TPRG1: variants seen among roughly 807,000 people sequenced by gnomAD.
TPRG1 encodes tumor protein p63-regulated gene 1 protein.
A neutral mutation model predicts 29.3 loss-of-function variants in TPRG1; 29 were observed. That is an observed-to-expected ratio of 0.99 (90% CI 0.74 to 1.35). TPRG1 has a LOEUF of 1.35. TPRG1 is among the 40% of genes most tolerant of loss of function. The pLI is 0.00. For synonymous variants in TPRG1, 130 were observed against 116.8 expected, an observed-to-expected ratio of 1.11 and a Z score of -0.73; for missense variants, 327 against 335.0, an observed-to-expected ratio of 0.98 and a Z score of 0.19.
chr3:189,180,594 G>A (rs1224297008), intron 1 of TPRG1, among the ~76,000 whole-genome samples: 1 of 152,178 alleles, frequency 6.6e-6, no homozygotes, highest in Admixed American at 6.5e-5. Flanking sequence ...CTCACATCCA[G>A]GTCACACTGA....
At chr3:189,292,338 T>C (rs1382742872) in intron 4 of TPRG1, among the ~76,000 whole-genome samples, 11 of 151,876 alleles carry the variant, frequency 7.2e-5, no homozygotes, top group East Asian at 1.9e-4. Flanking sequence ...CTGTTTTTTT[T>C]CCCTCCCATT....
At chr3:189,203,351 TA>T (rs1281719738) in intron 1 of TPRG1, among the ~76,000 whole-genome samples, 1 of 152,148 alleles carries the variant, frequency 6.6e-6, no homozygotes, top group African/African-American at 2.4e-5. Flanking sequence ...TTTTTAATGC[TA>T]AAAAAATCAG....
intron 1 of TPRG1, among the ~76,000 whole-genome samples, chr3:189,183,468 C>T (rs1458468747): frequency 6.6e-6 from 1 of 151,964 alleles, no homozygotes; most frequent in Admixed American, 6.5e-5. Flanking sequence ...ACCAGTCTGA[C>T]CAAAATTTAT....
intron 5 of TPRG1, among the ~76,000 whole-genome samples, chr3:189,161,492 C>A (rs1727484752): frequency 6.6e-6 from 1 of 151,640 alleles, no homozygotes. Flanking sequence ...TATTCTTGTC[C>A]ACATTGCCTT....
chr3:189,117,000 A>G (rs1437651060), intron 1 of TPRG1, among the ~76,000 whole-genome samples: 1 of 152,196 alleles, frequency 6.6e-6, no homozygotes, highest in Non-Finnish European at 1.5e-5. Context: ...CTCAAAGAGA[A>G]GTTAGACTTG....
intron 4 of TPRG1, among the ~76,000 whole-genome samples, chr3:189,296,884 C>T (rs912340624): frequency 1.4e-4 from 21 of 152,284 alleles, no homozygotes; most frequent in African/African-American, 4.3e-4. Flanking sequence ...TTTTTGAAGA[C>T]TTAAGTATTA....
chr3:189,014,856 C>T (rs372524252), intron 3 of TPRG1, among the ~76,000 whole-genome samples: 68 of 152,192 alleles, frequency 4.5e-4, no homozygotes, highest in African/African-American at 1.5e-3. Context: ...TCATAAATTA[C>T]TCAGTCTCAG....
chr3:189,098,937 A>C (rs1333163072), upstream of TPRG1, among the ~76,000 whole-genome samples: 1 of 152,174 alleles, frequency 6.6e-6, no homozygotes, highest in African/African-American at 2.4e-5. Context: ...GGAAAATCAG[A>C]ATCTTTGGGA....
intron 4 of TPRG1, among the ~76,000 whole-genome samples, chr3:189,044,409 G>T (rs1714829792): frequency 6.6e-6 from 1 of 152,168 alleles, no homozygotes; most frequent in African/African-American, 2.4e-5. Flanking sequence ...ACAAAAGTTG[G>T]CTGGGCGTGG....
chr3:189,289,433 T>C (rs1718630579), intron 4 of TPRG1, among the ~76,000 whole-genome samples: 1 of 151,824 alleles, frequency 6.6e-6, no homozygotes, highest in Non-Finnish European at 1.5e-5. Flanking sequence ...GCTTCAATGA[T>C]TTTGATGTTT....
intron 4 of TPRG1, among the ~76,000 whole-genome samples, chr3:189,293,658 G>A (rs770807775): frequency 1.1e-4 from 17 of 152,236 alleles, no homozygotes; most frequent in Middle Eastern, 3.4e-3. Flanking sequence ...AAGGGACATG[G>A]TGCAATTTTT....
chr3:189,211,156 T>C (rs901244691), intron 2 of TPRG1, among the ~76,000 whole-genome samples: 2 of 152,182 alleles, frequency 1.3e-5, no homozygotes, highest in Non-Finnish European at 2.9e-5. Flanking sequence ...AACTATTATT[T>C]CCCATTTCAA....
At chr3:189,042,545 C>G (rs900565583) in intron 4 of TPRG1, among the ~76,000 whole-genome samples, 2 of 152,046 alleles carry the variant, frequency 1.3e-5, no homozygotes, top group Non-Finnish European at 2.9e-5. Context: ...GACGTTGTAT[C>G]TTCAGATGAA....
At chr3:189,288,314 G>T (rs563918107) in intron 4 of TPRG1, among the ~76,000 whole-genome samples, 114 of 152,212 alleles carry the variant, frequency 7.5e-4, no homozygotes, top group African/African-American at 2.7e-3. Flanking sequence ...ATTTTTTTCT[G>T]CAACGTGTAG....
At chr3:189,219,608 A>G (rs1736634364) in intron 3 of TPRG1, 3 of 1,289,200 alleles carry the variant, frequency 2.3e-6, no homozygotes, top group Non-Finnish European at 2.0e-6. Flanking sequence ...ACATCTTGAC[A>G]CTTTATGGAA....
At chr3:189,194,904 C>T (rs1436738618) in intron 1 of TPRG1, among the ~76,000 whole-genome samples, 1 of 152,130 alleles carries the variant, frequency 6.6e-6, no homozygotes, top group East Asian at 1.9e-4. Context: ...CTTCACTCCC[C>T]AGGAAGAGGG....
chr3:189,035,870 C>T (rs1034188483), intron 4 of TPRG1, among the ~76,000 whole-genome samples: 12 of 152,030 alleles, frequency 7.9e-5, no homozygotes, highest in African/African-American at 2.7e-4. Context: ...TGAGATTTCT[C>T]GAAGAACTTA....
chr3:189,093,986 A>G (rs1718507940), intron 4 of TPRG1, among the ~76,000 whole-genome samples: 1 of 152,122 alleles, frequency 6.6e-6, no homozygotes, highest in Non-Finnish European at 1.5e-5. Context: ...GTTTGAATCT[A>G]TCTATATTTT....
At chr3:189,239,071 C>A in intron 4 of TPRG1, 162 bp downstream of exon 4, 1 of 553,518 alleles carries the variant, frequency 1.8e-6, no homozygotes, top group Non-Finnish European at 3.1e-6. Context: ...TACTCTATGT[C>A]AGCCTCCAGG....
Sources: gnomAD v4.1 joint callset for allele counts (sites outside exome capture counted in the v4.1 genomes callset) on GRCh38, gnomAD v4.1.1 for gene constraint, MANE v1.5 for transcripts, NCBI Gene and HGNC (gene_info 2026-07-23, HGNC 2026-07-21) for gene names.